The following CLVS2 variants were observed in gnomAD, a reference collection of about 807,000 sequenced individuals.
CLVS2 encodes the protein clavesin 2.
In CLVS2, 19 loss-of-function variants were observed where a neutral mutation model predicts 29.0. That is an observed-to-expected ratio of 0.66 (90% CI 0.46 to 0.96). The LOEUF is 0.96. Ranked by LOEUF, CLVS2 falls within the 40% of genes least tolerant of loss-of-function variation. The pLI, the probability that CLVS2 is intolerant of heterozygous loss-of-function variation, is 0.00. For missense variants in CLVS2, 294 were observed against 404.1 expected (o/e 0.73, Z 2.34); for synonymous variants, 161 against 151.3 (o/e 1.06, Z -0.47).
chr6:123,054,035 TGC>T (rs1772653240), intron 4 of CLVS2, among the ~76,000 whole-genome samples: 2 of 152,120 alleles, frequency 1.3e-5, no homozygotes, highest in South Asian at 4.1e-4. Context: ...CGGAAAATGA[TGC>T]TGCGGAAGGA....
At chr6:123,063,153 C>G (rs1772802943) in intron 5 of CLVS2, among the ~76,000 whole-genome samples, 1 of 152,004 alleles carries the variant, frequency 6.6e-6, no homozygotes, top group Non-Finnish European at 1.5e-5. Flanking sequence ...CAGAAACATA[C>G]AAATTTTGAT....
In CLVS2 at chr6:123,070,347, C is replaced by T. The variant is rs1442257833; in HGVS notation, c.*6586C>T. 1.3e-5 allele frequency: 2 copies of T among 151,898 alleles called. No individual in the cohort carries two copies. Among genetic ancestry groups the T allele is most frequent in the African/African-American group, 2.4e-5 (1 of 41,390 alleles). 9.4% of individuals were successfully genotyped at this position (151,898 alleles called of 1,614,324 possible). ...TTTCCTTCCTCTTTTTCTTTCAAAA[C>T]TACATCACATCAGCTAGCTCATGCT... On this transcript the variant is annotated 3_prime_UTR_variant, in exon 6 of 6. Coordinates refer to ENST00000275162, the MANE Select transcript of CLVS2 (RefSeq NM_001010852.4).
chr6:123,027,735 A>T (rs1480236903), intron 3 of CLVS2, among the ~76,000 whole-genome samples: 3 of 152,194 alleles, frequency 2.0e-5, no homozygotes, highest in Non-Finnish European at 4.4e-5. Context: ...AAGTGAAATA[A>T]ACCAGGAGTC....
intron 3 of CLVS2, among the ~76,000 whole-genome samples, chr6:123,042,752 C>CAGA (rs558713172): frequency 2.0e-5 from 3 of 152,284 alleles, no homozygotes; most frequent in Non-Finnish European, 4.4e-5. Flanking sequence ...TTGCCTGGAT[C>CAGA]TGTCTGTCCA....
chr6:123,032,920 A>G (rs1305071731), intron 3 of CLVS2, among the ~76,000 whole-genome samples: 1 of 152,158 alleles, frequency 6.6e-6, no homozygotes, highest in East Asian at 1.9e-4. Flanking sequence ...TATTCTATAA[A>G]TCCAGAGCAG....
At chr6:123,061,282 G>A (rs1772774071) in intron 5 of CLVS2, among the ~76,000 whole-genome samples, 1 of 151,834 alleles carries the variant, frequency 6.6e-6, no homozygotes, top group Admixed American at 6.6e-5. Flanking sequence ...GGGTGACACA[G>A]TGAGTCTTTG....
intron 3 of CLVS2, among the ~76,000 whole-genome samples, chr6:123,017,088 A>G (rs202039112): frequency 8.7e-5 from 13 of 149,090 alleles, no homozygotes; most frequent in South Asian, 2.1e-4. Flanking sequence ...GCATGTGTGT[A>G]TGTGTGTGTG....
intron 2 of CLVS2, among the ~76,000 whole-genome samples, chr6:123,006,048 A>G (rs990182699): frequency 3.9e-5 from 6 of 152,224 alleles, no homozygotes; most frequent in African/African-American, 1.4e-4. Context: ...AGCTAAGCTT[A>G]TATGTCTGGG....
chr6:123,051,891 G>A (rs1289383131), intron 4 of CLVS2, among the ~76,000 whole-genome samples: 1 of 152,102 alleles, frequency 6.6e-6, no homozygotes, highest in African/African-American at 2.4e-5. Flanking sequence ...AATAAATGAT[G>A]TTATTACACA....
At chr6:123,025,693 T>C (rs1412517651) in intron 3 of CLVS2, among the ~76,000 whole-genome samples, 1 of 152,172 alleles carries the variant, frequency 6.6e-6, no homozygotes, top group Non-Finnish European at 1.5e-5. Context: ...CCAGGGAACA[T>C]AAGTAAACAT....
chr6:123,012,932 C>T (rs139380530), intron 3 of CLVS2, among the ~76,000 whole-genome samples: 100 of 152,114 alleles, frequency 6.6e-4, no homozygotes, highest in African/African-American at 2.3e-3. Context: ...TGTTACTAAC[C>T]TTTAAACTCA....
intron 3 of CLVS2, among the ~76,000 whole-genome samples, chr6:123,038,482 A>G (rs1775185129): frequency 6.6e-6 from 1 of 152,108 alleles, no homozygotes; most frequent in Non-Finnish European, 1.5e-5. Context: ...TTTCTATTAT[A>G]CATATTTGTA....
At chr6:123,007,993 A>G (rs74462002) in intron 2 of CLVS2, among the ~76,000 whole-genome samples, 4,013 of 152,218 alleles carry the variant, frequency 0.026, 79 homozygotes, top group Middle Eastern at 0.044. Context: ...GAAGAGATAA[A>G]ATTCATAGAT....
At chr6:123,006,599 T>G (rs1353043007) in intron 2 of CLVS2, among the ~76,000 whole-genome samples, 1 of 152,042 alleles carries the variant, frequency 6.6e-6, no homozygotes, top group East Asian at 1.9e-4. Flanking sequence ...GGTGAATAAA[T>G]GTAGAGGGAG....
chr6:123,047,801 A>G (rs1772540432), intron 3 of CLVS2, among the ~76,000 whole-genome samples: 2 of 152,106 alleles, frequency 1.3e-5, no homozygotes, highest in Non-Finnish European at 2.9e-5. Context: ...GTAATTTTGA[A>G]AGAGTAGCAA....
intron 3 of CLVS2, among the ~76,000 whole-genome samples, chr6:123,017,891 C>A (rs1223649381): frequency 6.6e-6 from 1 of 151,914 alleles, no homozygotes; most frequent in African/African-American, 2.4e-5. Context: ...AGGTGTCAAC[C>A]TTGACAAAAA....
At chr6:123,014,666 C>A (rs1475327823) in intron 3 of CLVS2, among the ~76,000 whole-genome samples, 1 of 152,008 alleles carries the variant, frequency 6.6e-6, no homozygotes, top group Non-Finnish European at 1.5e-5. Context: ...TGTGGATCAG[C>A]TCATTTTTCA....
intron 3 of CLVS2, among the ~76,000 whole-genome samples, chr6:123,024,970 C>T (rs1774980954): frequency 6.6e-6 from 1 of 152,062 alleles, no homozygotes; most frequent in African/African-American, 2.4e-5. Context: ...CCAATATACG[C>T]CTAGGATACC....
intron 3 of CLVS2, among the ~76,000 whole-genome samples, chr6:123,029,238 G>C (rs533189924): frequency 6.6e-6 from 1 of 152,284 alleles, no homozygotes; most frequent in South Asian, 2.1e-4. Context: ...CTTGTGTTTT[G>C]ATCAGTGTGG....
Sources: allele counts gnomAD v4.1 joint callset (sites outside exome capture counted in the v4.1 genomes callset), GRCh38; gene constraint gnomAD v4.1.1; transcripts MANE v1.5; gene names NCBI Gene and HGNC (gene_info 2026-07-23, HGNC 2026-07-21).